SDK1: variants seen among roughly 807,000 people sequenced by gnomAD.
SDK1 encodes protein sidekick-1.
Under a neutral mutation model 245.5 loss-of-function variants are expected in SDK1, and 157 were observed. The observed-to-expected ratio is 0.64, with a 90% CI of 0.56 to 0.73. SDK1 has a LOEUF of 0.73. SDK1 is among the 30% of genes least tolerant of loss of function. The pLI is 0.00. For synonymous variants in SDK1, 1,647 were observed against 1,278.5 expected, an observed-to-expected ratio of 1.29 and a Z score of -6.15; for missense variants, 3,583 against 3,002.3, an observed-to-expected ratio of 1.19 and a Z score of -4.52.
chr7:3,769,938 G>C lies in SDK1; in HGVS notation c.714-51512G>C, dbSNP rs1005154045. 8.2e-5 allele frequency among the ~76,000 whole-genome samples: 10 copies of C among 121,302 alleles called. No individual in the cohort carries two copies. In the South Asian group the frequency reaches 1.2e-3, roughly 14 times the overall value. The allele number at this position is 121,302 out of a possible 152,430, so 79.6% of individuals were successfully genotyped here. A position where few individuals can be genotyped will look rare whatever the true frequency, so the allele number is the denominator to read the frequency against. On this transcript the variant is annotated intron_variant, in intron 4 of 44. Transcript: ENST00000404826. ...TCAGTGTTATTTGTACTTATTGTCT[G>C]TGTGTGTGTGTGTGTGTGTGTGTGT...
chr7:3,974,732 G>C, intron 13 of SDK1, 187 bp downstream of exon 13: 2 of 538,272 alleles, frequency 3.7e-6, no homozygotes, highest in Non-Finnish European at 3.3e-6. Flanking sequence ...TTCAACTTCG[G>C]AATTGAGAAG....
intron 35 of SDK1, among the ~76,000 whole-genome samples, chr7:4,185,554 G>T (rs1351239519): frequency 6.6e-6 from 1 of 152,112 alleles, no homozygotes; most frequent in African/African-American, 2.4e-5. Context: ...TCCCGTCCCT[G>T]GGAGGACAGA....
At chr7:4,068,254 C>T (rs1780025894) in intron 20 of SDK1, among the ~76,000 whole-genome samples, 4 of 152,154 alleles carry the variant, frequency 2.6e-5, no homozygotes. Context: ...TGTTCACATG[C>T]GTGTGTCTTG....
At chr7:3,628,316 G>A (rs1257585087) in intron 2 of SDK1, among the ~76,000 whole-genome samples, 4 of 151,886 alleles carry the variant, frequency 2.6e-5, no homozygotes, top group African/African-American at 9.7e-5. Flanking sequence ...TGTTGCTTAG[G>A]CTAGAGTATA....
At chr7:4,143,823 C>T (rs1278884953) in intron 28 of SDK1, among the ~76,000 whole-genome samples, 1 of 152,202 alleles carries the variant, frequency 6.6e-6, no homozygotes, top group Non-Finnish European at 1.5e-5. Flanking sequence ...CATCTTGGAG[C>T]TTCACAGCCT....
chr7:3,416,594 T>C (rs987760842), intron 1 of SDK1, among the ~76,000 whole-genome samples: 6 of 151,962 alleles, frequency 3.9e-5, no homozygotes, highest in Non-Finnish European at 8.8e-5. Flanking sequence ...GCAGGCCTAA[T>C]CTGGTCTATA....
chr7:3,697,546 T>C (rs572408940), intron 4 of SDK1, among the ~76,000 whole-genome samples: 30 of 152,338 alleles, frequency 2.0e-4, no homozygotes, highest in African/African-American at 6.3e-4. Flanking sequence ...ACCCCTTTTT[T>C]TGAGTCATTT....
At chr7:4,001,733 G>A (rs919422103) in intron 14 of SDK1, among the ~76,000 whole-genome samples, 13 of 152,220 alleles carry the variant, frequency 8.5e-5, no homozygotes, top group African/African-American at 3.1e-4. Flanking sequence ...CCACTCTGTG[G>A]TGTTTTGTTT....
chr7:3,419,168 T>G (rs953730497), intron 1 of SDK1, among the ~76,000 whole-genome samples: 1 of 152,232 alleles, frequency 6.6e-6, no homozygotes, highest in Non-Finnish European at 1.5e-5. Context: ...ATTTAATCTT[T>G]GCAGCAAATC....
chr7:3,876,105 T>C (rs1425253791), intron 5 of SDK1, among the ~76,000 whole-genome samples: 1 of 152,126 alleles, frequency 6.6e-6, no homozygotes, highest in Non-Finnish European at 1.5e-5. Flanking sequence ...GTGGTGTGAG[T>C]CAGGCACTAG....
At chr7:3,480,358 CAT>C (rs1781477578) in intron 1 of SDK1, among the ~76,000 whole-genome samples, 1 of 151,974 alleles carries the variant, frequency 6.6e-6, no homozygotes, top group Non-Finnish European at 1.5e-5. Context: ...CACATATGCT[CAT>C]GTAGGAACTA....
chr7:3,369,644 G>T (rs79532620), intron 1 of SDK1, among the ~76,000 whole-genome samples: 1 of 152,126 alleles, frequency 6.6e-6, no homozygotes, highest in Admixed American at 6.5e-5. Context: ...AGCACAAAAT[G>T]TTTCCTCAAG....
chr7:3,712,446 T>C (rs1022331755), intron 4 of SDK1, among the ~76,000 whole-genome samples: 5 of 152,204 alleles, frequency 3.3e-5, no homozygotes, highest in African/African-American at 1.2e-4. Flanking sequence ...ACGATTTCAT[T>C]ATGTATTACA....
At chr7:4,204,588 C>G (rs1584438906) in intron 35 of SDK1, among the ~76,000 whole-genome samples, 1 of 152,168 alleles carries the variant, frequency 6.6e-6, no homozygotes, top group Admixed American at 6.5e-5. Context: ...GAAGGCCTCT[C>G]CAGAGAGCCG....
chr7:3,994,245 T>A (rs1363490551), intron 14 of SDK1, among the ~76,000 whole-genome samples: 1 of 151,008 alleles, frequency 6.6e-6, no homozygotes, highest in Non-Finnish European at 1.5e-5. Context: ...TGTAACCAAA[T>A]GTCTTCCACA....
At chr7:3,449,074 A>G (rs778422574) in intron 1 of SDK1, among the ~76,000 whole-genome samples, 1 of 152,202 alleles carries the variant, frequency 6.6e-6, no homozygotes, top group Non-Finnish European at 1.5e-5. Context: ...TATGGAATCT[A>G]AGAAGGAAAG....
intron 4 of SDK1, among the ~76,000 whole-genome samples, chr7:3,780,586 G>A (rs1459850884): frequency 6.6e-6 from 1 of 152,170 alleles, no homozygotes; most frequent in African/African-American, 2.4e-5. Flanking sequence ...ATTCTCCCTG[G>A]CTAGCTTCAG....
intron 2 of SDK1, among the ~76,000 whole-genome samples, chr7:3,637,111 G>A (rs4722982): frequency 0.63 from 94,975 of 150,976 alleles, 30,166 homozygotes; most frequent in South Asian, 0.77. Flanking sequence ...GTGTGTGTGT[G>A]TTTTGAGAGA....
intron 5 of SDK1, among the ~76,000 whole-genome samples, chr7:3,837,773 T>G (rs1008557201): frequency 1.6e-5 from 2 of 126,238 alleles, no homozygotes; most frequent in African/African-American, 8.8e-5. Flanking sequence ...ATTTATAATT[T>G]AATTTAAACT....
Sources: allele counts gnomAD v4.1 joint callset (sites outside exome capture counted in the v4.1 genomes callset), GRCh38; gene constraint gnomAD v4.1.1; transcripts MANE v1.5; gene names NCBI Gene and HGNC (gene_info 2026-07-23, HGNC 2026-07-21).